Variants in ETV2 observed in about 807,000 individuals in gnomAD.
ETV2 encodes ETS translocation variant 2.
ETV2 carries 34 observed loss-of-function variants against 35.7 expected under a neutral mutation model. The ratio of observed to expected loss-of-function variants is 0.95; its 90% CI spans 0.72 to 1.27. The LOEUF is 1.27. Among genes scored for constraint, ETV2 ranks in the 50% most tolerant of loss-of-function variants. The probability of loss-of-function intolerance (pLI) is 0.00; values close to 1 mark genes in which losing one functional copy is unlikely to be tolerated. For synonymous variants in ETV2, 207 were observed against 203.9 expected (o/e 1.02, Z -0.13); for missense variants, 512 against 470.5 (o/e 1.09, Z -0.82).
In ETV2 at chr19:35,643,188, C is replaced by T; in HGVS notation, c.236-86C>T. 1.3e-6 allele frequency: 2 copies of T among 1,512,682 alleles called. No homozygotes were observed. Among genetic ancestry groups the T allele is most frequent in the Non-Finnish European group, 1.8e-6 (2 of 1,129,656 alleles). The allele number at this position is 1,512,682 out of a possible 1,614,324, so 93.7% of individuals were successfully genotyped here. A position where few individuals can be genotyped will look rare whatever the true frequency, so the allele number is the denominator to read the frequency against. On this transcript the variant is annotated intron_variant, in intron 4 of 6. Transcript: ENST00000402764. The surrounding 1 kb of genome is among the most constrained non-coding windows in gnomAD (Gnocchi z 5.0). Reference sequence around the variant, plus strand: ...ACCTGGATCCGGGTCAGCCGGGCCCCAAGTGCCAGGGTTGAGAGCTTAGAC... The same window carrying T: ...ACCTGGATCCGGGTCAGCCGGGCCCTAAGTGCCAGGGTTGAGAGCTTAGAC...
rs1248401301 is a variant in ETV2, at chr19:35,643,764, C to T, written c.715+11C>T. On this transcript the variant is annotated intron_variant, in intron 5 of 6. Transcript: ENST00000402764. This position sits in a 1 kb window ranked among gnomAD's most constrained non-coding sequence, Gnocchi z 5.0. ...AAACTAACCACCGAGGTGAGAGGGC[C>T]GCAAAGACTGCGGGGAGGGCGAAGC... is the stretch of plus-strand genomic sequence containing the variant. The T allele has an allele frequency of 6.2e-7, 1 of 1,613,074 alleles. No individual in the cohort carries two copies. Among genetic ancestry groups the T allele is most frequent in the Non-Finnish European group, 8.5e-7 (1 of 1,179,716 alleles).
rs1967727511 is a variant in ETV2, at chr19:35,644,863, T to C, written c.*11T>C. 1 of 1,577,372 alleles carries C rather than the reference T, an allele frequency of 6.3e-7. No individual in the cohort carries two copies. Among genetic ancestry groups the C allele is most frequent in the Non-Finnish European group, 8.6e-7 (1 of 1,160,456 alleles). On this transcript the variant is annotated 3_prime_UTR_variant, in exon 7 of 7. Coordinates refer to ENST00000402764, the MANE Select transcript of ETV2 (RefSeq NM_014209.4). This position sits in a 1 kb window ranked among gnomAD's most constrained non-coding sequence, Gnocchi z 4.7. ...GCAGAGACACAATAAAAATTCCCGG[T>C]CAAACCTCTTCGCGCGTGCTCCTCT...
Position 35,642,555 on chromosome 19 carries a change from G to T in ETV2, c.70+25G>T, listed in dbSNP as rs1239963355. On this transcript the variant is annotated intron_variant, in intron 2 of 6. Coordinates refer to ENST00000402764, the MANE Select transcript of ETV2 (RefSeq NM_014209.4). This position sits in a 1 kb window ranked among gnomAD's most constrained non-coding sequence, Gnocchi z 4.4. ...GGTAGGCTGCCGAGGCTGCCACAAC[G>T]TGTGTGGGGAGGGTGTCCAGGTGGG... 1 of 1,613,680 alleles carries T rather than the reference G, an allele frequency of 6.2e-7. No individual in the cohort carries two copies. Among genetic ancestry groups the T allele is most frequent in the Non-Finnish European group, 8.5e-7 (1 of 1,179,806 alleles).
Position 35,643,501 on chromosome 19 carries a change from G to A in ETV2, c.463G>A (p.Asp155Asn), listed in dbSNP as rs1967676386. 2 of 1,549,838 alleles carry A rather than the reference G, an allele frequency of 1.3e-6. No homozygotes were observed. The highest frequency in any genetic ancestry group is 2.7e-5 in the African/African-American group (2 of 73,008). ...GGCCGCCGGGAGCAACACCAGCTGG[G>A]ACTGTTCTGTGGGGCCCGACGGCGA... is the stretch of plus-strand genomic sequence containing the variant. Reference protein sequence around the residue: ...AQAAGSNTSWDCSVGPDGDTY... With the variant: ...AQAAGSNTSWNCSVGPDGDTY... The change falls in exon 5 of 7, where the codon GAC becomes AAC. Residue 155 changes from aspartate to asparagine, a missense_variant. Coordinates refer to ENST00000402764, the MANE Select transcript of ETV2 (RefSeq NM_014209.4). This position sits in a 1 kb window ranked among gnomAD's most constrained non-coding sequence, Gnocchi z 5.0.
Position 35,644,153 on chromosome 19 carries a change from G to A in ETV2, c.716-82G>A. 1.0e-6 allele frequency: 1 copy of A among 968,648 alleles called. No individual in the cohort carries two copies. The highest frequency in any genetic ancestry group is 1.6e-6 in the Non-Finnish European group (1 of 622,386). The allele number at this position is 968,648 out of a possible 1,614,324, so 60.0% of individuals were successfully genotyped here. ...TTCTCGGGTCCTGGGTCCCGAGTTGGGAGGACCCGGACCTCTAGATCATTG... is the reference window on the plus strand; with the variant it reads ...TTCTCGGGTCCTGGGTCCCGAGTTGAGAGGACCCGGACCTCTAGATCATTG... On this transcript the variant is annotated intron_variant, in intron 5 of 6. Coordinates refer to ENST00000402764, the MANE Select transcript of ETV2 (RefSeq NM_014209.4). This position sits in a 1 kb window ranked among gnomAD's most constrained non-coding sequence, Gnocchi z 4.7.
In ETV2 at chr19:35,642,448, C is replaced by G; in HGVS notation, c.-13C>G. The stretch of plus-strand genomic sequence containing the variant: ...TCCCGACCCAGAACATTCAGAAGGC[C>G]TTCATCGCATCCATGGACCTGTGGA... On this transcript the variant is annotated 5_prime_UTR_variant, in exon 2 of 7. Transcript: ENST00000402764. The surrounding 1 kb of genome is among the most constrained non-coding windows in gnomAD (Gnocchi z 4.4). The G allele has an allele frequency of 6.4e-7, 1 of 1,559,780 alleles. No individual in the cohort carries two copies. The highest frequency in any genetic ancestry group is 1.7e-4 in the Middle Eastern group (1 of 5,848).
Position 35,642,825 on chromosome 19 carries a change from C to A in ETV2, c.154+127C>A, listed in dbSNP as rs1599613583. 5.9e-6 allele frequency: 6 copies of A among 1,009,494 alleles called. No homozygotes were observed. The highest frequency in any genetic ancestry group is 9.1e-6 in the Non-Finnish European group (6 of 660,136). The allele number at this position is 1,009,494 out of a possible 1,614,324, so 62.5% of individuals were successfully genotyped here. On this transcript the variant is annotated intron_variant, in intron 3 of 6. Coordinates refer to ENST00000402764, the MANE Select transcript of ETV2 (RefSeq NM_014209.4). This position sits in a 1 kb window ranked among gnomAD's most constrained non-coding sequence, Gnocchi z 4.4. ...GTGGGGAGGGGCCGCGTGCTTGACC[C>A]CTGAGGGTGAAGGAAAAGGGGGCGC...
chr19:35,644,647 C>T lies in ETV2; in HGVS notation c.829-5C>T. 6.2e-7 allele frequency: 1 copy of T among 1,606,448 alleles called. No individual in the cohort carries two copies. The highest frequency in any genetic ancestry group is 8.5e-7 in the Non-Finnish European group (1 of 1,176,056). On this transcript the variant is annotated splice_region_variant and splice_polypyrimidine_tract_variant and intron_variant, in intron 6 of 6. Transcript: ENST00000402764. This position sits in a 1 kb window ranked among gnomAD's most constrained non-coding sequence, Gnocchi z 4.7. ...CCACTCCGACCGAGCGGGCCTCTGT[C>T]CTAGGTGGCTCGGCTGTGGGGCGAG...
At position 35,642,937 on chromosome 19, in the gene ETV2, C is replaced by A; in HGVS notation, c.155-28C>A. The A allele has an allele frequency of 7.0e-7, 1 of 1,420,412 alleles. No homozygotes were observed. Among genetic ancestry groups the A allele is most frequent in the African/African-American group, 1.4e-5 (1 of 70,664 alleles). The allele number at this position is 1,420,412 out of a possible 1,614,324, so 88.0% of individuals were successfully genotyped here. A position where few individuals can be genotyped will look rare whatever the true frequency, so the allele number is the denominator to read the frequency against. On this transcript the variant is annotated intron_variant, in intron 3 of 6. Coordinates refer to ENST00000402764, the MANE Select transcript of ETV2 (RefSeq NM_014209.4). The surrounding 1 kb of genome is among the most constrained non-coding windows in gnomAD (Gnocchi z 4.4). ...GAGTGGGTAGTTGAGGGGTCTCTTT[C>A]ATTGCTCACAGTCCTCCCTAAACTC...
Position 35,643,591 on chromosome 19 carries a change from C to T in ETV2, c.553C>T (p.Pro185Ser). ...GGACTGTACCATTTCGTGGGGCGGGCCCGCGGGCCCGGACTGTACCACCTC... is the reference window on the plus strand; with the variant it reads ...GGACTGTACCATTTCGTGGGGCGGGTCCGCGGGCCCGGACTGTACCACCTC... ...RTDCTISWGG[P>S]AGPDCTTSWN... Residue 185 changes from proline (P) to serine (S), a missense_variant, in exon 5 of 7, where the codon CCC becomes TCC. By Grantham distance (74) the Pro-to-Ser change is moderately conservative. Transcript: ENST00000402764. This position sits in a 1 kb window ranked among gnomAD's most constrained non-coding sequence, Gnocchi z 5.0. The T allele has an allele frequency of 1.3e-6, 2 of 1,592,466 alleles. No homozygotes were observed. The highest frequency in any genetic ancestry group is 8.5e-7 in the Non-Finnish European group (1 of 1,170,388).
At position 35,643,798 on chromosome 19, in the gene ETV2, T is replaced by C. The variant is rs760874912; in HGVS notation, c.715+45T>C. ...TGCGGGGAGGGCGAAGCTGGAGTCC[T>C]GAGCCGGGACCCAGGCACCTAAGGG... On this transcript the variant is annotated intron_variant, in intron 5 of 6. Coordinates refer to ENST00000402764, the MANE Select transcript of ETV2 (RefSeq NM_014209.4). This position sits in a 1 kb window ranked among gnomAD's most constrained non-coding sequence, Gnocchi z 5.0. The C allele has an allele frequency of 3.1e-6, 5 of 1,609,714 alleles. No individual in the cohort carries two copies. The highest frequency in any genetic ancestry group is 1.7e-4 in the Middle Eastern group (1 of 5,730).
Position 35,644,672 on chromosome 19 carries a change from G to A in ETV2, c.849G>A (p.Glu283=). The change falls in exon 7 of 7, where the codon GAG becomes GAA. Residue 283 remains glutamate (E), a synonymous_variant. Coordinates refer to ENST00000402764, the MANE Select transcript of ETV2 (RefSeq NM_014209.4). The surrounding 1 kb of genome is among the most constrained non-coding windows in gnomAD (Gnocchi z 4.7). ...DPKEVARLWG[E]RKRKPGMNYE... is the part of the protein sequence containing the mutation. The stretch of plus-strand genomic sequence containing the variant: ...CCTAGGTGGCTCGGCTGTGGGGCGA[G>A]CGCAAGAGAAAGCCGGGCATGAATT... 1 of 1,605,060 alleles carries A rather than the reference G, an allele frequency of 6.2e-7. No homozygotes were observed. Among genetic ancestry groups the A allele is most frequent in the Non-Finnish European group, 8.5e-7 (1 of 1,174,740 alleles).
In ETV2 at chr19:35,643,651, T is replaced by G; in HGVS notation, c.613T>G (p.Ser205Ala). ...NPGLHAGGTT[S>A]LKRYQSSALT... ...GGGGCTGCATGCGGGTGGCACCACCTCTTTGAAGCGGTACCAGAGCTCAGC... is the reference window on the plus strand; with the variant it reads ...GGGGCTGCATGCGGGTGGCACCACCGCTTTGAAGCGGTACCAGAGCTCAGC... The change falls in exon 5 of 7, where the codon TCT becomes GCT. Residue 205 changes from serine (S) to alanine (A), a missense_variant. By Grantham distance (99) the Ser-to-Ala change is moderately conservative (BLOSUM62 1). Transcript: ENST00000402764. The surrounding 1 kb of genome is among the most constrained non-coding windows in gnomAD (Gnocchi z 5.0). 6.2e-7 allele frequency: 1 copy of G among 1,613,598 alleles called. No homozygotes were observed. Among genetic ancestry groups the G allele is most frequent in the Non-Finnish European group, 8.5e-7 (1 of 1,179,754 alleles).
chr19:35,642,259 A>G lies in ETV2; in HGVS notation c.-28+103A>G, dbSNP rs1052756791. 11 of 522,498 alleles carry G rather than the reference A, an allele frequency of 2.1e-5. No individual in the cohort carries two copies. In the Admixed American group the frequency reaches 2.2e-4, roughly 10 times the overall value. The allele number at this position is 522,498 out of a possible 1,614,324, so 32.4% of individuals were successfully genotyped here. A position where few individuals can be genotyped will look rare whatever the true frequency, so the allele number is the denominator to read the frequency against. On this transcript the variant is annotated intron_variant, in intron 1 of 6. Coordinates refer to ENST00000402764, the MANE Select transcript of ETV2 (RefSeq NM_014209.4). This position sits in a 1 kb window ranked among gnomAD's most constrained non-coding sequence, Gnocchi z 4.4. ...GGGGGCCTGGACTCCTGGGTCTAACAGAGGAAGAGAGCTGGGGTCCCTCAC... is the reference window on the plus strand; with the variant it reads ...GGGGGCCTGGACTCCTGGGTCTAACGGAGGAAGAGAGCTGGGGTCCCTCAC...
chr19:35,642,731 G>T lies in ETV2; in HGVS notation c.154+33G>T. On this transcript the variant is annotated intron_variant, in intron 3 of 6. Transcript: ENST00000402764. The surrounding 1 kb of genome is among the most constrained non-coding windows in gnomAD (Gnocchi z 4.4). ...CGGGCTGGGACCCCTAAGTGCTGGAGAAGAAGCGGGGAGGCTGGGATCCTA... is the reference window on the plus strand; with the variant it reads ...CGGGCTGGGACCCCTAAGTGCTGGATAAGAAGCGGGGAGGCTGGGATCCTA... 1 of 1,509,398 alleles carries T rather than the reference G, an allele frequency of 6.6e-7. No homozygotes were observed. Among genetic ancestry groups the T allele is most frequent in the East Asian group, 2.4e-5 (1 of 41,680 alleles). The allele number at this position is 1,509,398 out of a possible 1,614,324, so 93.5% of individuals were successfully genotyped here.
At position 35,643,447 on chromosome 19, in the gene ETV2, G is replaced by A. The variant is rs760752815; in HGVS notation, c.409G>A (p.Gly137Arg). The A allele has an allele frequency of 2.6e-6, 4 of 1,546,926 alleles. No homozygotes were observed. The South Asian group carries it at 4.8e-5, about 18-fold the overall frequency. Residue 137 changes from glycine (G) to arginine (R), a missense_variant, in exon 5 of 7, where the codon GGA becomes AGA. By Grantham distance (125) the Gly-to-Arg change is moderately radical (BLOSUM62 -2). Transcript: ENST00000402764. The surrounding 1 kb of genome is among the most constrained non-coding windows in gnomAD (Gnocchi z 5.0). ...AAGQNCVPVA[G>R]EATSWSRAQA... The stretch of plus-strand genomic sequence containing the variant: ...GGGCCAGAACTGCGTCCCCGTGGCG[G>A]GAGAGGCCACCTCGTGGTCGCGCGC...
At position 35,643,804 on chromosome 19, in the gene ETV2, G is replaced by C. The variant is rs1233026789; in HGVS notation, c.715+51G>C. On this transcript the variant is annotated intron_variant, in intron 5 of 6. Coordinates refer to ENST00000402764, the MANE Select transcript of ETV2 (RefSeq NM_014209.4). This position sits in a 1 kb window ranked among gnomAD's most constrained non-coding sequence, Gnocchi z 5.0. ...GAGGGCGAAGCTGGAGTCCTGAGCC[G>C]GGACCCAGGCACCTAAGGGGGCGGG... is the stretch of plus-strand genomic sequence containing the variant. The C allele has an allele frequency of 9.3e-6, 15 of 1,608,920 alleles. No individual in the cohort carries two copies. Among genetic ancestry groups the C allele is most frequent in the South Asian group, 6.6e-5 (6 of 90,832 alleles).
Position 35,644,527 on chromosome 19 carries a change from A to G in ETV2, c.829-125A>G. ...CCTGTACTCCTGCCTCAACCAACCCAGTCTCCACCGGGCTCTGCGAGGCCT... is the reference window on the plus strand; with the variant it reads ...CCTGTACTCCTGCCTCAACCAACCCGGTCTCCACCGGGCTCTGCGAGGCCT... On this transcript the variant is annotated intron_variant, in intron 6 of 6. Coordinates refer to ENST00000402764, the MANE Select transcript of ETV2 (RefSeq NM_014209.4). This position sits in a 1 kb window ranked among gnomAD's most constrained non-coding sequence, Gnocchi z 4.7. The G allele has an allele frequency of 9.9e-7, 1 of 1,013,470 alleles. No individual in the cohort carries two copies. Among genetic ancestry groups the G allele is most frequent in the Non-Finnish European group, 1.4e-6 (1 of 694,946 alleles). The allele number at this position is 1,013,470 out of a possible 1,614,324, so 62.8% of individuals were successfully genotyped here.
chr19:35,643,136 G>C lies in ETV2; in HGVS notation c.235+91G>C. 2.9e-6 allele frequency: 4 copies of C among 1,395,708 alleles called. No individual in the cohort carries two copies. Among genetic ancestry groups the C allele is most frequent in the Non-Finnish European group, 3.9e-6 (4 of 1,022,380 alleles). The allele number at this position is 1,395,708 out of a possible 1,614,324, so 86.5% of individuals were successfully genotyped here. ...AGACTCCCTGATCTTTGAGGACTGAGAACACCTGCGCCCTCAAGGTGGCAT... is the reference window on the plus strand; with the variant it reads ...AGACTCCCTGATCTTTGAGGACTGACAACACCTGCGCCCTCAAGGTGGCAT... On this transcript the variant is annotated intron_variant, in intron 4 of 6. Transcript: ENST00000402764. This position sits in a 1 kb window ranked among gnomAD's most constrained non-coding sequence, Gnocchi z 5.0.
Sources: gnomAD v4.1 joint callset for allele counts on GRCh38, gnomAD v4.1.1 for gene constraint, Gnocchi (gnomAD v3.1) non-coding constraint, MANE v1.5 for transcripts, NCBI Gene and HGNC (gene_info 2026-07-23, HGNC 2026-07-21) for gene names.